MSLN: variants seen among roughly 807,000 people sequenced by gnomAD.
MSLN encodes the protein mesothelin, also known as CAK1 antigen.
In MSLN, 82 loss-of-function variants were observed where a neutral mutation model predicts 72.6. The ratio of observed to expected loss-of-function variants is 1.13; its 90% CI spans 0.94 to 1.36. MSLN has a LOEUF of 1.36. Ranked by LOEUF, MSLN falls within the 40% of genes most tolerant of loss-of-function variation. The probability of loss-of-function intolerance (pLI) is 0.00; values close to 1 mark genes in which losing one functional copy is unlikely to be tolerated. For synonymous variants in MSLN, 456 were observed against 387.3 expected (o/e 1.18, Z -2.08); for missense variants, 1,005 against 847.9 (o/e 1.19, Z -2.30).
At chr16:768,058 A>AG (rs1221898900) in intron 16 of MSLN, among the ~76,000 whole-genome samples, 1 of 49,450 alleles carries the variant, frequency 2.0e-5, no homozygotes, top group Non-Finnish European at 3.8e-5. Flanking sequence ...CGCGTGGAGG[A>AG]GGGGCACATG....
In MSLN at chr16:768,511, G is replaced by C. The variant is rs920756427; in HGVS notation, c.1729G>C (p.Gly577Arg). ...GGACGACCTGGACACGCTGGGGCTG[G>C]GGCTACAGGGCGGCATCCCCAACGG... Reference protein sequence around the residue: ...RQDDLDTLGLGLQGGIPNGYL... With the variant: ...RQDDLDTLGLRLQGGIPNGYL... Residue 577 changes from glycine (G) to arginine (R), a missense_variant, in exon 17 of 18, where the codon GGG becomes CGG. Physicochemically the swap from Gly to Arg is moderately radical, Grantham distance 125. Coordinates refer to ENST00000545450, the MANE Select transcript of MSLN (RefSeq NM_005823.6). The C allele has an allele frequency of 1.3e-6, 2 of 1,595,944 alleles. No homozygotes were observed. The highest frequency in any genetic ancestry group is 1.7e-6 in the Non-Finnish European group (2 of 1,169,976).
chr16:767,394 A>C lies in MSLN; in HGVS notation c.1520A>C (p.Asp507Ala). 3 of 1,607,572 alleles carry C rather than the reference A, an allele frequency of 1.9e-6. No individual in the cohort carries two copies. Among genetic ancestry groups the C allele is most frequent in the Non-Finnish European group, 2.5e-6 (3 of 1,177,656 alleles). Residue 507 changes from aspartate (D) to alanine (A), a missense_variant, in exon 16 of 18, where the codon GAT (aspartate) becomes GCT (alanine). Physicochemically the swap from Asp to Ala is moderately radical, Grantham distance 126 (BLOSUM62 -2). Transcript: ENST00000545450. The part of the protein sequence containing the change: ...QSFLGGAPTE[D>A]LKALSQQNVS... ...CGGGCAGGTGGGGCCCCCACGGAGG[A>C]TTTGAAGGCGCTCAGTCAGCAGAAT...
intron 4 of MSLN, 60 bp from the exon 5 acceptor site, chr16:763,582 T>C: frequency 6.6e-7 from 1 of 1,512,738 alleles, no homozygotes; most frequent in Non-Finnish European, 9.0e-7. Context: ...TAGCGGGACC[T>C]GGGAACTCCT....
intron 3 of MSLN, 51 bp downstream of exon 3, chr16:762,816 G>A (rs746545542): frequency 1.4e-6 from 2 of 1,439,500 alleles, no homozygotes; most frequent in Non-Finnish European, 1.9e-6. Context: ...CAGGGGCCTT[G>A]GGGGCCAGGC....
intron 16 of MSLN, 98 bp from the exon 17 acceptor site, chr16:768,281 T>C: frequency 7.8e-7 from 1 of 1,285,098 alleles, no homozygotes; most frequent in Non-Finnish European, 1.0e-6. Context: ...GGTGGGCATC[T>C]GTGGGTGGGG....
In MSLN at chr16:767,385, C is replaced by T. The variant is rs1198971095; in HGVS notation, c.1511C>T (p.Pro504Leu). The part of the protein sequence containing the change: ...VKIQSFLGGA[P>L]TEDLKALSQQ... ...CTCTCCCGGCGGGCAGGTGGGGCCCCCACGGAGGATTTGAAGGCGCTCAGT... is the reference window on the plus strand; with the variant it reads ...CTCTCCCGGCGGGCAGGTGGGGCCCTCACGGAGGATTTGAAGGCGCTCAGT... Residue 504 changes from proline to leucine, a missense_variant, in exon 16 of 18, where the codon CCC (proline) becomes CTC (leucine). Pro to Leu is a moderately conservative substitution (Grantham distance 98, BLOSUM62 -3). Transcript: ENST00000545450. 6.2e-7 allele frequency: 1 copy of T among 1,610,020 alleles called. No homozygotes were observed. The highest frequency in any genetic ancestry group is 8.5e-7 in the Non-Finnish European group (1 of 1,179,030).
At chr16:768,241 C>G (rs899148812) in intron 16 of MSLN, 138 bp from the exon 17 acceptor site, 120 of 825,128 alleles carry the variant, frequency 1.5e-4, no homozygotes, top group Non-Finnish European at 1.9e-4. Flanking sequence ...GGTCAGCTGG[C>G]CGGAGACCTC....
rs1156408476 is a variant in MSLN, at chr16:766,321, C to T, written c.1075-14C>T. The T allele has an allele frequency of 1.9e-6, 3 of 1,612,394 alleles. No individual in the cohort carries two copies. In the Admixed American group the frequency reaches 5.0e-5, roughly 27 times the overall value. On this transcript the variant is annotated splice_polypyrimidine_tract_variant and intron_variant, in intron 12 of 17. Transcript: ENST00000545450. ...TGGGAGTGACATGGGCCCTCCTGGT[C>T]TCTTGGCCTGCAGCTCTACCCACAA...
At position 764,721 on chromosome 16, in the gene MSLN, C is replaced by A; in HGVS notation, c.375C>A (p.Phe125Leu). 6.2e-7 allele frequency: 1 copy of A among 1,610,090 alleles called. No individual in the cohort carries two copies. The highest frequency in any genetic ancestry group is 8.5e-7 in the Non-Finnish European group (1 of 1,178,052). The change falls in exon 7 of 18, where the codon TTC (phenylalanine) becomes TTA (leucine). Residue 125 changes from phenylalanine to leucine, a missense_variant. Physicochemically the swap from Phe to Leu is conservative, Grantham distance 22. Coordinates refer to ENST00000545450, the MANE Select transcript of MSLN (RefSeq NM_005823.6). ...CCCTCCCATTGGACCTGCTGCTATT[C>A]CTCAAGTAGGCCCTGCCCCCTGAAC... Reference protein sequence around the residue: ...LDALPLDLLLFLNPDAFSGPQ... With the variant: ...LDALPLDLLLLLNPDAFSGPQ...
At chr16:762,642 G>C in intron 2 of MSLN, 30 bp from the exon 3 acceptor site, 5 of 1,537,984 alleles carry the variant, frequency 3.3e-6, no homozygotes, top group Non-Finnish European at 4.5e-6. Flanking sequence ...GGGAGCAGGG[G>C]GTCCCATCCT....
intron 13 of MSLN, 63 bp from the exon 14 acceptor site, chr16:766,605 A>G (rs1332088784): frequency 6.2e-7 from 1 of 1,610,892 alleles, no homozygotes; most frequent in Non-Finnish European, 8.5e-7. Flanking sequence ...GCCTGAGGTT[A>G]TGCTGGTGGT....
At chr16:763,789 C>CAGCA (rs2151614299) in intron 5 of MSLN, 98 bp downstream of exon 5, 1 of 638,520 alleles carries the variant, frequency 1.6e-6, no homozygotes, top group Non-Finnish European at 2.7e-6. Flanking sequence ...TCCCCTCCCC[C>CAGCA]TTCCTCCTCT....
chr16:766,837 A>C, intron 14 of MSLN, 27 bp downstream of exon 14: 1 of 1,612,328 alleles, frequency 6.2e-7, no homozygotes. Context: ...CTGCCCGGCA[A>C]GGTGGGTCCG....
rs1212259514 is a variant in MSLN at position 765,227 on chromosome 16, A to G, written c.628A>G (p.Ser210Gly). The G allele has an allele frequency of 6.3e-7, 1 of 1,585,630 alleles. No individual in the cohort carries two copies. The highest frequency in any genetic ancestry group is 1.7e-5 in the Admixed American group (1 of 57,710). ...CGAAGTGCTGCTACCCCGGCTGGTG[A>G]GCTGCCCGGGACCCCTGGACCAGGA... ...SAEVLLPRLV[S>G]CPGPLDQDQQ... is the part of the protein sequence containing the mutation. Residue 210 changes from serine to glycine, a missense_variant, in exon 9 of 18, where the codon AGC becomes GGC. Ser to Gly is a moderately conservative substitution (Grantham distance 56). Coordinates refer to ENST00000545450, the MANE Select transcript of MSLN (RefSeq NM_005823.6).
Position 766,375 on chromosome 16 carries a change from T to G in MSLN, c.1115T>G (p.Leu372Arg). ...QGYPESVIQH[L>R]GYLFLKMSPE... ...TACCCCGAGTCTGTGATCCAGCACC[T>G]GGGCTACCTCTTCCTCAAGATGAGC... The change falls in exon 13 of 18, where the codon CTG (leucine) becomes CGG (arginine). Residue 372 changes from leucine (L) to arginine (R), a missense_variant. Coordinates refer to ENST00000545450, the MANE Select transcript of MSLN (RefSeq NM_005823.6). The G allele has an allele frequency of 6.2e-7, 1 of 1,612,730 alleles. No individual in the cohort carries two copies. The highest frequency in any genetic ancestry group is 1.1e-5 in the South Asian group (1 of 91,092).
intron 11 of MSLN, 75 bp downstream of exon 11, chr16:765,865 C>A: frequency 7.0e-7 from 1 of 1,436,962 alleles, no homozygotes; most frequent in African/African-American, 1.4e-5. Flanking sequence ...TTTAGGGTCT[C>A]ACCTGCCCCT....
At chr16:763,891 G>C in intron 5 of MSLN, 132 bp from the exon 6 acceptor site, 1 of 1,171,710 alleles carries the variant, frequency 8.5e-7, no homozygotes, top group Non-Finnish European at 1.1e-6. Flanking sequence ...GGCGTCACCT[G>C]GTCTTGGGGG....
In MSLN at chr16:762,679, C is replaced by G. The variant is rs749218614; in HGVS notation, c.-2C>G. 1.2e-6 allele frequency: 2 copies of G among 1,611,566 alleles called. No homozygotes were observed. The highest frequency in any genetic ancestry group is 1.1e-5 in the South Asian group (1 of 91,060). On this transcript the variant is annotated 5_prime_UTR_variant, in exon 3 of 18. Transcript: ENST00000545450. ...AGTCACTGCCCTCCACAGACACAGA[C>G]CATGGCCTTGCCAACGGCTCGACCC...
In MSLN at chr16:767,403, C is replaced by A; in HGVS notation, c.1529C>A (p.Ala510Glu). 1.2e-6 allele frequency: 2 copies of A among 1,601,806 alleles called. No individual in the cohort carries two copies. Among genetic ancestry groups the A allele is most frequent in the South Asian group, 2.2e-5 (2 of 90,816 alleles). ...GGGGCCCCCACGGAGGATTTGAAGG[C>A]GCTCAGTCAGCAGAATGTGAGCATG... The part of the protein sequence containing the change: ...LGGAPTEDLK[A>E]LSQQNVSMDL... The change falls in exon 16 of 18, where the codon GCG (alanine) becomes GAG (glutamate). Residue 510 changes from alanine to glutamate, a missense_variant. Coordinates refer to ENST00000545450, the MANE Select transcript of MSLN (RefSeq NM_005823.6).
Sources: gnomAD v4.1 joint callset for allele counts (sites outside exome capture counted in the v4.1 genomes callset) on GRCh38, gnomAD v4.1.1 for gene constraint, MANE v1.5 for transcripts, NCBI Gene and HGNC (gene_info 2026-07-23, HGNC 2026-07-21) for gene names.